TENM4: variants seen among roughly 807,000 people sequenced by gnomAD.
TENM4 encodes the protein teneurin transmembrane protein 4.
In TENM4, 82 loss-of-function variants were observed where a neutral mutation model predicts 243.3. The observed-to-expected ratio is 0.34, with a 90% CI of 0.28 to 0.40. The LOEUF (loss-of-function observed/expected upper bound fraction) is 0.40, where lower values mean the gene tolerates loss of function less well. TENM4 is among the 10% of genes least tolerant of loss of function. TENM4 has a pLI of 1.00. For missense variants in TENM4, 3,138 were observed against 3,673.3 expected, an observed-to-expected ratio of 0.85 and a Z score of 3.77; for synonymous variants, 1,412 against 1,456.3, an observed-to-expected ratio of 0.97 and a Z score of 0.69.
At chr11:78,828,410 T>G (rs1857906094) in intron 12 of TENM4, among the ~76,000 whole-genome samples, 1 of 152,334 alleles carries the variant, frequency 6.6e-6, no homozygotes, top group East Asian at 1.9e-4. Context: ...CATCTGTGAA[T>G]TATGTACTTA....
intron 4 of TENM4, among the ~76,000 whole-genome samples, chr11:79,079,969 CTGGGGACTTTA>C (rs1565195113): frequency 1.5e-5 from 2 of 136,808 alleles, no homozygotes; most frequent in African/African-American, 5.6e-5. Context: ...AGCTCCAGAG[CTGGGGACTTTA>C]CTACCTCAGG....
chr11:79,138,654 CAT>C (rs1387369499), intron 4 of TENM4, among the ~76,000 whole-genome samples: 2 of 102,222 alleles, frequency 2.0e-5, no homozygotes, highest in South Asian at 2.9e-4. Context: ...ATACATAAAA[CAT>C]ATATTATATT....
chr11:78,876,674 AC>A (rs1489507274), intron 9 of TENM4, among the ~76,000 whole-genome samples: 2 of 148,764 alleles, frequency 1.3e-5, no homozygotes, highest in Non-Finnish European at 2.9e-5. Context: ...AGCTCCTTAC[AC>A]ATCTGGCTGT....
chr11:79,086,723 G>A (rs10899588), intron 4 of TENM4, among the ~76,000 whole-genome samples: 73,840 of 151,226 alleles, frequency 0.49, 18,358 homozygotes, highest in East Asian at 0.73. Flanking sequence ...AGTCCCAGCT[G>A]CTTGGGAAGC....
At chr11:79,434,024 C>T (rs1859221565) in intron 1 of TENM4, among the ~76,000 whole-genome samples, 1 of 152,180 alleles carries the variant, frequency 6.6e-6, no homozygotes, top group South Asian at 2.1e-4. Context: ...GAGGACTGGA[C>T]TTCCCCCACT....
intron 3 of TENM4, among the ~76,000 whole-genome samples, chr11:79,159,210 G>A (rs776711106): frequency 1.3e-5 from 2 of 152,138 alleles, no homozygotes; most frequent in African/African-American, 2.4e-5. Flanking sequence ...CAACATCGCT[G>A]GGTTTGGGGG....
chr11:79,083,088 T>C (rs1860716283), intron 4 of TENM4, among the ~76,000 whole-genome samples: 1 of 152,196 alleles, frequency 6.6e-6, no homozygotes, highest in South Asian at 2.1e-4. Flanking sequence ...ATCCAAGGCC[T>C]CAAAGGACTT....
chr11:79,013,545 T>C (rs2136763994), intron 6 of TENM4, among the ~76,000 whole-genome samples: 1 of 152,198 alleles, frequency 6.6e-6, no homozygotes, highest in Middle Eastern at 3.4e-3. Context: ...AGCCCAATCA[T>C]GGGGTGGGGA....
At chr11:79,163,204 G>GGGGAA (rs1253200810) in intron 3 of TENM4, among the ~76,000 whole-genome samples, 2 of 152,120 alleles carry the variant, frequency 1.3e-5, no homozygotes, top group African/African-American at 4.8e-5. Flanking sequence ...GAGAAGGAAA[G>GGGGAA]GGGAAGGGAC....
chr11:79,416,537 T>C (rs1045614650), intron 1 of TENM4, among the ~76,000 whole-genome samples: 1 of 152,184 alleles, frequency 6.6e-6, no homozygotes, highest in Non-Finnish European at 1.5e-5. Context: ...ACATAAAAAT[T>C]TGGTAAAATT....
intron 2 of TENM4, among the ~76,000 whole-genome samples, chr11:79,237,002 G>T (rs1864487685): frequency 6.6e-6 from 1 of 152,172 alleles, no homozygotes; most frequent in Admixed American, 6.5e-5. Flanking sequence ...TACTTCTCTG[G>T]TTCTCTGGCA....
At chr11:79,307,416 G>T (rs1856644611) in intron 1 of TENM4, among the ~76,000 whole-genome samples, 1 of 152,074 alleles carries the variant, frequency 6.6e-6, no homozygotes, top group Non-Finnish European at 1.5e-5. Context: ...GCTCTCTCCT[G>T]CACTGAACCC....
At chr11:79,296,496 G>C (rs1856456501) in intron 2 of TENM4, among the ~76,000 whole-genome samples, 1 of 152,186 alleles carries the variant, frequency 6.6e-6, no homozygotes, top group African/African-American at 2.4e-5. Context: ...CTTTCTGGAA[G>C]AATCAGCTAG....
chr11:78,858,202 C>G (rs1184989754), intron 10 of TENM4, among the ~76,000 whole-genome samples: 4 of 152,158 alleles, frequency 2.6e-5, no homozygotes, highest in Admixed American at 2.0e-4. Context: ...GTGACTGTAT[C>G]AGCTAGGTTT....
intron 12 of TENM4, among the ~76,000 whole-genome samples, chr11:78,828,578 C>T (rs185928061): frequency 3.3e-5 from 5 of 152,356 alleles, no homozygotes; most frequent in Admixed American, 1.3e-4. Flanking sequence ...CTAGGTAACA[C>T]TCAACATAAT....
intron 2 of TENM4, among the ~76,000 whole-genome samples, chr11:79,236,848 G>A (rs1489797938): frequency 2.0e-5 from 3 of 152,108 alleles, no homozygotes; most frequent in Non-Finnish European, 2.9e-5. Flanking sequence ...CGGGTGCACT[G>A]GATCTTCCCA....
At chr11:79,258,851 A>G (rs1400203619) in intron 2 of TENM4, among the ~76,000 whole-genome samples, 1 of 152,090 alleles carries the variant, frequency 6.6e-6, no homozygotes, top group Non-Finnish European at 1.5e-5. Flanking sequence ...CAAGCCGCCC[A>G]CCTCTCTAGG....
intron 7 of TENM4, among the ~76,000 whole-genome samples, chr11:78,893,200 A>G (rs1244160035): frequency 6.6e-6 from 1 of 152,196 alleles, no homozygotes; most frequent in Non-Finnish European, 1.5e-5. Flanking sequence ...AGGTGTGGAC[A>G]TCCCTCAGAG....
chr11:78,787,554 C>T (rs944509360), intron 15 of TENM4, among the ~76,000 whole-genome samples: 2 of 152,134 alleles, frequency 1.3e-5, no homozygotes, highest in African/African-American at 4.8e-5. Flanking sequence ...TGGCTGGGCA[C>T]GTGATGAGTT....
Sources: gnomAD v4.1 joint callset for allele counts (sites outside exome capture counted in the v4.1 genomes callset) on GRCh38, gnomAD v4.1.1 for gene constraint, MANE v1.5 for transcripts, NCBI Gene and HGNC (gene_info 2026-07-23, HGNC 2026-07-21) for gene names.